Variants in ZMYM2 observed in about 807,000 individuals in gnomAD.
ZMYM2 encodes the protein zinc finger MYM-type containing 2, also known as zinc finger MYM-type protein 2.
ZMYM2 carries 56 observed loss-of-function variants against 162.8 expected under a neutral mutation model. That is an observed-to-expected ratio of 0.34 (90% CI 0.28 to 0.43). The LOEUF (loss-of-function observed/expected upper bound fraction) is 0.43. ZMYM2 is among the 20% of genes least tolerant of loss of function. The pLI is 1.00. For synonymous variants in ZMYM2, 510 were observed against 541.6 expected (o/e 0.94, Z 0.81); for missense variants, 1,275 against 1,621.8 (o/e 0.79, Z 3.67).
the ZMYM2 span, among the ~76,000 whole-genome samples, chr13:19,879,683 G>A: frequency 6.6e-6 from 1 of 152,278 alleles, no homozygotes; most frequent in South Asian, 2.1e-4. Context: ...TACAAAAGAC[G>A]TAATTGGGAT....
At chr13:20,036,077 A>G (rs1285633293) in intron 11 of ZMYM2, among the ~76,000 whole-genome samples, 1 of 152,170 alleles carries the variant, frequency 6.6e-6, no homozygotes, top group Non-Finnish European at 1.5e-5. Context: ...ATTTTAGTAG[A>G]TAACATGTAA....
At chr13:19,989,753 T>G (rs536290416) in intron 2 of ZMYM2, among the ~76,000 whole-genome samples, 1 of 152,350 alleles carries the variant, frequency 6.6e-6, no homozygotes, top group South Asian at 2.1e-4. Context: ...TAGGTCTTAT[T>G]CTGTTTTTCT....
chr13:20,087,240 T>G lies in ZMYM2; in HGVS notation c.*1226T>G, dbSNP rs1220368781. On this transcript the variant is annotated 3_prime_UTR_variant, in exon 25 of 25. Coordinates refer to ENST00000610343, the MANE Select transcript of ZMYM2 (RefSeq NM_197968.4). The stretch of plus-strand genomic sequence containing the variant: ...CCCATTTAATGTTAGATTGTTTGGC[T>G]TTTGAAATTACTTCTTATAGAAGAT... 5.3e-6 allele frequency: 1 copy of G among 189,986 alleles called. No individual in the cohort carries two copies. Among genetic ancestry groups the G allele is most frequent in the Non-Finnish European group, 1.1e-5 (1 of 90,516 alleles). 11.8% of individuals were successfully genotyped at this position (189,986 alleles called of 1,614,324 possible).
chr13:19,964,339 G>A (rs1446848130), intron 2 of ZMYM2, among the ~76,000 whole-genome samples: 1 of 151,904 alleles, frequency 6.6e-6, no homozygotes, highest in Non-Finnish European at 1.5e-5. Flanking sequence ...TTGCACCACT[G>A]CACTCCAGCC....
chr13:19,915,785 T>C, the ZMYM2 span, among the ~76,000 whole-genome samples: 1 of 152,106 alleles, frequency 6.6e-6, no homozygotes, highest in Non-Finnish European at 1.5e-5. Flanking sequence ...ATTACAGGCA[T>C]GAGCCACTGC....
rs369978933 is a variant in ZMYM2, at chr13:19,976,502, G to T, written c.-11+16476G>T. On this transcript the variant is annotated intron_variant, in intron 2 of 24. Coordinates refer to ENST00000610343, the MANE Select transcript of ZMYM2 (RefSeq NM_197968.4). ...GTCGGTATATTCACATTGTCACACAGGAGATCTCCAGACCTTTTTTATTTT... is the reference window on the plus strand; with the variant it reads ...GTCGGTATATTCACATTGTCACACATGAGATCTCCAGACCTTTTTTATTTT... 5.3e-5 allele frequency among the ~76,000 whole-genome samples: 8 copies of T among 151,972 alleles called. No homozygotes were observed. In the South Asian group the frequency reaches 6.2e-4, roughly 12 times the overall value.
rs536690625 is a variant in ZMYM2 at position 20,083,042 on chromosome 13, C to A, written c.3820+10C>A. ...GGAACAGATAATGAAGGTAGTGTAA[C>A]AGATTTCTATTTTTATTTTTATTTT... On this transcript the variant is annotated intron_variant, in intron 23 of 24. Coordinates refer to ENST00000610343, the MANE Select transcript of ZMYM2 (RefSeq NM_197968.4). 3.6e-5 allele frequency: 57 copies of A among 1,562,816 alleles called. No homozygotes were observed. The African/African-American group carries it at 6.9e-4, about 19-fold the overall frequency.
chr13:19,866,652 G>A, the ZMYM2 span, among the ~76,000 whole-genome samples: 10 of 152,146 alleles, frequency 6.6e-5, no homozygotes, highest in Non-Finnish European at 1.0e-4. Flanking sequence ...CAACAAGGGC[G>A]AAACTCCGTC....
intron 21 of ZMYM2, among the ~76,000 whole-genome samples, chr13:20,076,702 AACTC>A (rs1566465981): frequency 1.3e-5 from 2 of 150,522 alleles, no homozygotes; most frequent in Admixed American, 1.3e-4. Context: ...AAATATAGTA[AACTC>A]ACAGTGTGGC....
intron 2 of ZMYM2, among the ~76,000 whole-genome samples, chr13:19,988,097 T>C (rs1405174432): frequency 6.6e-6 from 1 of 152,206 alleles, no homozygotes. Flanking sequence ...TTTTAATTAA[T>C]GTGTGAGCTG....
chr13:19,886,162 C>CTTTTTTTTTT, the ZMYM2 span, among the ~76,000 whole-genome samples: 19 of 98,444 alleles, frequency 1.9e-4, 1 homozygote, highest in East Asian at 3.3e-4. Context: ...TTCTTTCTTT[C>CTTTTTTTTTT]TTTTTTTTTT....
At chr13:19,945,810 A>C in the ZMYM2 span, among the ~76,000 whole-genome samples, 3 of 151,978 alleles carry the variant, frequency 2.0e-5, no homozygotes, top group African/African-American at 4.8e-5. Flanking sequence ...TTAGCCGTGC[A>C]TGGTTACGCA....
the ZMYM2 span, among the ~76,000 whole-genome samples, chr13:19,912,301 T>G: frequency 7.9e-5 from 12 of 151,154 alleles, no homozygotes; most frequent in African/African-American, 2.4e-4. Flanking sequence ...GGTTTTTTTT[T>G]TTTTTTTTTT....
At chr13:19,893,304 T>TA in the ZMYM2 span, among the ~76,000 whole-genome samples, 3 of 150,612 alleles carry the variant, frequency 2.0e-5, no homozygotes, top group South Asian at 4.2e-4. Context: ...ATAAACTAAT[T>TA]AAAAAAAAGA....
chr13:19,917,182 T>C, the ZMYM2 span, among the ~76,000 whole-genome samples: 1 of 152,088 alleles, frequency 6.6e-6, no homozygotes, highest in African/African-American at 2.4e-5. Flanking sequence ...CAGGATGGTC[T>C]CAATCTCCTG....
chr13:19,968,552 G>A (rs957522357), intron 2 of ZMYM2, among the ~76,000 whole-genome samples: 4 of 152,146 alleles, frequency 2.6e-5, no homozygotes, highest in Non-Finnish European at 4.4e-5. Context: ...GTGAGCCACC[G>A]CACCAGACCT....
the ZMYM2 span, among the ~76,000 whole-genome samples, chr13:19,934,529 G>A: frequency 6.6e-6 from 1 of 152,080 alleles, no homozygotes. Flanking sequence ...AAGCTTGTTA[G>A]CATGTCTGTT....
At chr13:19,905,876 C>T in the ZMYM2 span, among the ~76,000 whole-genome samples, 1 of 152,158 alleles carries the variant, frequency 6.6e-6, no homozygotes. Flanking sequence ...CATGGCGGCT[C>T]ATGCCTGTAA....
the ZMYM2 span, among the ~76,000 whole-genome samples, chr13:19,871,500 C>T: frequency 1.3e-5 from 2 of 152,142 alleles, no homozygotes; most frequent in East Asian, 3.8e-4. Flanking sequence ...TGTGCTCAAG[C>T]AGTCTTCCCA....
Sources: gnomAD v4.1 joint callset for allele counts (sites outside exome capture counted in the v4.1 genomes callset) on GRCh38, gnomAD v4.1.1 for gene constraint, MANE v1.5 for transcripts, NCBI Gene and HGNC (gene_info 2026-07-23, HGNC 2026-07-21) for gene names.